The following SLAMF1 variants were observed in gnomAD, a reference collection of about 807,000 sequenced individuals.
SLAMF1 encodes the protein signaling lymphocytic activation molecule.
Under a neutral mutation model 35.1 loss-of-function variants are expected in SLAMF1, and 18 were observed. The ratio of observed to expected loss-of-function variants is 0.51; its 90% CI spans 0.35 to 0.76. SLAMF1 has a LOEUF of 0.76. Ranked by LOEUF, SLAMF1 falls within the 30% of genes least tolerant of loss-of-function variation. SLAMF1 has a pLI of 0.01. For synonymous variants in SLAMF1, 168 were observed against 157.2 expected (o/e 1.07, Z -0.51); for missense variants, 392 against 413.0 (o/e 0.95, Z 0.44).
intron 3 of SLAMF1, among the ~76,000 whole-genome samples, chr1:160,631,309 T>C (rs962120392): frequency 3.9e-5 from 6 of 152,234 alleles, no homozygotes; most frequent in African/African-American, 1.4e-4. Flanking sequence ...TCTGGTCCCC[T>C]ATCCCTGCAG....
Position 160,646,787 on chromosome 1 carries a change from T to G in SLAMF1, c.76+83A>C, listed in dbSNP as rs566341535. On this transcript the variant is annotated intron_variant, in intron 1 of 6. Coordinates refer to ENST00000302035, the MANE Select transcript of SLAMF1 (RefSeq NM_003037.5). ...AGTGACCAAACACAATACCCAGCCC[T>G]GCACCTTCTCTCCATCCACGAAGAT... is the stretch of plus-strand genomic sequence containing the variant. 2.0e-5 allele frequency: 15 copies of G among 769,076 alleles called. No homozygotes were observed. The African/African-American group carries it at 2.5e-4, about 13-fold the overall frequency. 47.6% of individuals were successfully genotyped at this position (769,076 alleles called of 1,614,324 possible). A position where few individuals can be genotyped will look rare whatever the true frequency, so the allele number is the denominator to read the frequency against.
chr1:160,623,887 A>G (rs535296703), intron 4 of SLAMF1, among the ~76,000 whole-genome samples: 3 of 152,270 alleles, frequency 2.0e-5, no homozygotes, highest in Admixed American at 6.5e-5. Context: ...TGGCTCTTCT[A>G]TTTCTTTCCA....
Position 160,646,886 on chromosome 1 carries a change from C to A in SLAMF1, c.60G>T (p.Gly20=). ...TFVLFLSLAF[G]ASYGTGGRMM... is the part of the protein sequence containing the mutation. ...AACACTCACCTGTTCCGTAGCTTGC[C>A]CCAAAAGCCAGGGAGAGAAACAGCA... is the stretch of plus-strand genomic sequence containing the variant. The change falls in exon 1 of 7, where the codon GGG becomes GGT. Residue 20 remains glycine (G), a synonymous_variant. Coordinates refer to ENST00000302035, the MANE Select transcript of SLAMF1 (RefSeq NM_003037.5). The A allele has an allele frequency of 6.2e-7, 1 of 1,603,604 alleles. No homozygotes were observed. The highest frequency in any genetic ancestry group is 1.1e-5 in the South Asian group (1 of 90,738).
At chr1:160,637,605 C>G in intron 1 of SLAMF1, 76 bp from the exon 2 acceptor site, 1 of 1,058,886 alleles carries the variant, frequency 9.4e-7, no homozygotes, top group Non-Finnish European at 1.4e-6. Context: ...TCAGGAAGGA[C>G]AGACTGGAGG....
chr1:160,612,604 G>A lies in SLAMF1; in HGVS notation c.865-24C>T, dbSNP rs114760384. 1,620 of 1,445,540 alleles carry A rather than the reference G, an allele frequency of 1.1e-3. 11 individuals carry two copies. In the African/African-American group the frequency reaches 0.021, roughly 19 times the overall value. 89.5% of individuals were successfully genotyped at this position (1,445,540 alleles called of 1,614,324 possible). A position where few individuals can be genotyped will look rare whatever the true frequency, so the allele number is the denominator to read the frequency against. On this transcript the variant is annotated intron_variant, in intron 5 of 6. Transcript: ENST00000302035. ...GGCTACAAGAGAAGCAAAGAAAGCA[G>A]ATTAGCTGAACAGAGAGAGCTAGTT... is the stretch of plus-strand genomic sequence containing the variant.
At chr1:160,615,725 G>T in intron 5 of SLAMF1, 1 of 341,386 alleles carries the variant, frequency 2.9e-6, no homozygotes, top group Non-Finnish European at 5.9e-6. Flanking sequence ...TCAAAATAAG[G>T]TCATCCTGGA....
chr1:160,615,104 A>G (rs1659218747), intron 5 of SLAMF1, among the ~76,000 whole-genome samples: 1 of 152,136 alleles, frequency 6.6e-6, no homozygotes, highest in Admixed American at 6.5e-5. Flanking sequence ...AATAAGAATA[A>G]AGGCATTGTT....
At position 160,611,502 on chromosome 1, in the gene SLAMF1, G is replaced by A. The variant is rs78968408; in HGVS notation, c.958-704C>T. Reference sequence around the variant, plus strand: ...GGCACCTGCCCAGGCATTTCTGGATGAGTGTGTGTGCGGTAGGAGCTTTGA... The same window carrying A: ...GGCACCTGCCCAGGCATTTCTGGATAAGTGTGTGTGCGGTAGGAGCTTTGA... On this transcript the variant is annotated intron_variant, in intron 6 of 6. Coordinates refer to ENST00000302035, the MANE Select transcript of SLAMF1 (RefSeq NM_003037.5). Among the ~76,000 whole-genome samples, 1,377 of 152,358 alleles carry A rather than the reference G, an allele frequency of 9.0e-3. 9 individuals carry two copies. The highest frequency in any genetic ancestry group is 9.9e-3 in the South Asian group (48 of 4,828).
Position 160,642,171 on chromosome 1 carries a change from A to C in SLAMF1, c.77-4642T>G, listed in dbSNP as rs572286022. On this transcript the variant is annotated intron_variant, in intron 1 of 6. Transcript: ENST00000302035. This position sits in a 1 kb window ranked among gnomAD's most constrained non-coding sequence, Gnocchi z 4.2. ...AAATTTAGGCTCAGAAAGAAAAGAC[A>C]TCTTGTCTGTGTTTGCTTTTTAAAC... Among the ~76,000 whole-genome samples the C allele has an allele frequency of 1.2e-4, 18 of 152,314 alleles. No homozygotes were observed. Among genetic ancestry groups the C allele is most frequent in the African/African-American group, 3.6e-4 (15 of 41,562 alleles).
chr1:160,636,261 C>T (rs1303318646), intron 2 of SLAMF1, among the ~76,000 whole-genome samples: 1 of 152,152 alleles, frequency 6.6e-6, no homozygotes, highest in Admixed American at 6.5e-5. Context: ...GGGGGAGGGC[C>T]ATGGGAATTC....
intron 5 of SLAMF1, among the ~76,000 whole-genome samples, chr1:160,618,359 C>T (rs914747065): frequency 6.6e-6 from 1 of 151,914 alleles, no homozygotes; most frequent in Non-Finnish European, 1.5e-5. Context: ...AGAGTTGATC[C>T]TTACTGAGGA....
intron 3 of SLAMF1, among the ~76,000 whole-genome samples, chr1:160,631,810 G>C (rs1248143896): frequency 2.6e-5 from 4 of 152,128 alleles, no homozygotes; most frequent in Non-Finnish European, 5.9e-5. Flanking sequence ...CAAACTTCTA[G>C]CCTCCAGAAC....
chr1:160,638,704 AC>A (rs1225433258), intron 1 of SLAMF1, among the ~76,000 whole-genome samples: 1 of 152,166 alleles, frequency 6.6e-6, no homozygotes, highest in South Asian at 2.1e-4. Flanking sequence ...CGCTGGAACC[AC>A]CTTTGTCAAG....
At chr1:160,638,109 A>G (rs1271135786) in intron 1 of SLAMF1, among the ~76,000 whole-genome samples, 3 of 152,048 alleles carry the variant, frequency 2.0e-5, no homozygotes, top group Admixed American at 6.5e-5. Flanking sequence ...ACAGTGAGAT[A>G]TTACTGTATT....
In SLAMF1 at chr1:160,615,820, T is replaced by C. The variant is rs540759483; in HGVS notation, c.865-3240A>G. 7 of 242,296 alleles carry C rather than the reference T, an allele frequency of 2.9e-5. No individual in the cohort carries two copies. In the East Asian group the frequency reaches 7.6e-4, roughly 26 times the overall value. The allele number at this position is 242,296 out of a possible 1,614,324, so 15.0% of individuals were successfully genotyped here. A position where few individuals can be genotyped will look rare whatever the true frequency, so the allele number is the denominator to read the frequency against. On this transcript the variant is annotated intron_variant, in intron 5 of 6. Transcript: ENST00000302035. ...CACAGAGAGGGAGGTCATGTGAAGA[T>C]GAAGGCAAAAATTGCAGATACACAA...
intron 6 of SLAMF1, among the ~76,000 whole-genome samples, chr1:160,611,039 G>A (rs901943916): frequency 1.3e-5 from 2 of 152,246 alleles, no homozygotes; most frequent in Non-Finnish European, 2.9e-5. Flanking sequence ...CATGATCTGA[G>A]GACCAGCACT....
At position 160,643,988 on chromosome 1, in the gene SLAMF1, A is replaced by G. The variant is rs376199963; in HGVS notation, c.76+2882T>C. On this transcript the variant is annotated intron_variant, in intron 1 of 6. Transcript: ENST00000302035. ...TTCATAGACATGACATGTTTTATAG[A>G]TGTGATAATCAATAAACAAACTAGT... Among the ~76,000 whole-genome samples the G allele has an allele frequency of 4.7e-4, 72 of 152,290 alleles. 1 individual carries two copies. Among genetic ancestry groups the G allele is most frequent in the African/African-American group, 1.7e-3 (69 of 41,556 alleles).
intron 6 of SLAMF1, among the ~76,000 whole-genome samples, chr1:160,611,620 G>A (rs772801169): frequency 9.2e-5 from 14 of 152,172 alleles, no homozygotes; most frequent in Non-Finnish European, 1.2e-4. Flanking sequence ...AAAGATTTCA[G>A]CCCAGAATTT....
chr1:160,610,199 T>C lies in SLAMF1; in HGVS notation c.*549A>G. 2 of 427,024 alleles carry C rather than the reference T, an allele frequency of 4.7e-6. No homozygotes were observed. The highest frequency in any genetic ancestry group is 9.3e-6 in the Non-Finnish European group (2 of 215,068). 26.5% of individuals were successfully genotyped at this position (427,024 alleles called of 1,614,324 possible). A position where few individuals can be genotyped will look rare whatever the true frequency, so the allele number is the denominator to read the frequency against. ...TTTATACAATAATATCAGAGTGTTT[T>C]ATGTATAATAAGAAATTCACCCTTC... On this transcript the variant is annotated 3_prime_UTR_variant, in exon 7 of 7. Transcript: ENST00000302035.
Sources: gnomAD v4.1 joint callset for allele counts (sites outside exome capture counted in the v4.1 genomes callset) on GRCh38, gnomAD v4.1.1 for gene constraint, Gnocchi (gnomAD v3.1) non-coding constraint, MANE v1.5 for transcripts, NCBI Gene and HGNC (gene_info 2026-07-23, HGNC 2026-07-21) for gene names.